Variants in PRKN observed in about 807,000 individuals in gnomAD.
PRKN encodes parkin RBR E3 ubiquitin protein ligase, also known as E3 ubiquitin-protein ligase parkin.
PRKN carries 56 observed loss-of-function variants against 59.5 expected under a neutral mutation model. The observed-to-expected ratio is 0.94, with a 90% CI of 0.76 to 1.18. PRKN has a LOEUF of 1.18. PRKN is among the 50% of genes most tolerant of loss of function. PRKN has a pLI of 0.00. For missense variants in PRKN, 657 were observed against 596.4 expected, an observed-to-expected ratio of 1.10 and a Z score of -1.06; for synonymous variants, 250 against 222.1, an observed-to-expected ratio of 1.13 and a Z score of -1.12.
chr6:161,622,323 C>T (rs1782935398), intron 7 of PRKN, among the ~76,000 whole-genome samples: 1 of 152,230 alleles, frequency 6.6e-6, no homozygotes, highest in South Asian at 2.1e-4. Flanking sequence ...GCACGCAGGT[C>T]TGCCCCGTAG....
At chr6:162,339,571 C>T (rs1784064744) in intron 2 of PRKN, among the ~76,000 whole-genome samples, 2 of 150,612 alleles carry the variant, frequency 1.3e-5, no homozygotes, top group African/African-American at 4.9e-5. Context: ...AGGGGCGCCT[C>T]TGCCCGGCCG....
intron 5 of PRKN, among the ~76,000 whole-genome samples, chr6:162,020,689 G>A (rs907153054): frequency 6.6e-6 from 1 of 152,090 alleles, no homozygotes; most frequent in Admixed American, 6.6e-5. Context: ...ATATGTAGTG[G>A]AATTCAGAAA....
chr6:161,474,073 C>T (rs765112398), intron 9 of PRKN, among the ~76,000 whole-genome samples: 1 of 152,144 alleles, frequency 6.6e-6, no homozygotes, highest in African/African-American at 2.4e-5. Flanking sequence ...AAAAAATGGG[C>T]GTGGAGCATG....
At chr6:162,422,453 T>A (rs1040374457) in intron 2 of PRKN, among the ~76,000 whole-genome samples, 2 of 152,170 alleles carry the variant, frequency 1.3e-5, no homozygotes, top group Non-Finnish European at 2.9e-5. Context: ...CTGACAGCCT[T>A]ACTTGGGTCT....
At chr6:162,326,554 G>A (rs1783288416) in intron 2 of PRKN, among the ~76,000 whole-genome samples, 1 of 152,096 alleles carries the variant, frequency 6.6e-6, no homozygotes, top group South Asian at 2.1e-4. Flanking sequence ...CAAGAGATTA[G>A]AAACATCTTA....
chr6:162,512,107 G>A (rs530712414), intron 1 of PRKN, among the ~76,000 whole-genome samples: 1 of 152,106 alleles, frequency 6.6e-6, no homozygotes, highest in Non-Finnish European at 1.5e-5. Flanking sequence ...ATTCTTAGAC[G>A]AATCTATCTA....
chr6:161,815,746 C>T (rs1791749866), intron 6 of PRKN, among the ~76,000 whole-genome samples: 1 of 152,206 alleles, frequency 6.6e-6, no homozygotes, highest in Admixed American at 6.5e-5. Flanking sequence ...AGCAGACTTG[C>T]GGAATTGAAC....
chr6:161,502,630 A>G lies in PRKN; in HGVS notation c.1083+46224T>C, dbSNP rs560542569. On this transcript the variant is annotated intron_variant, in intron 9 of 11. Transcript: ENST00000366898. This position sits in a 1 kb window ranked among gnomAD's most constrained non-coding sequence, Gnocchi z 4.0. ...GGAGGGGACCAGTAACAAGCAGGGA[A>G]GAGAGAAATGGGGGATTTGGGAGTA... Among the ~76,000 whole-genome samples the G allele has an allele frequency of 9.2e-5, 14 of 152,284 alleles. No homozygotes were observed. The highest frequency in any genetic ancestry group is 3.4e-4 in the African/African-American group (14 of 41,542).
At chr6:161,511,340 C>T (rs2115332365) in intron 9 of PRKN, among the ~76,000 whole-genome samples, 1 of 152,242 alleles carries the variant, frequency 6.6e-6, no homozygotes, top group Non-Finnish European at 1.5e-5. Context: ...ATGATTTAAA[C>T]TTTTGCAACA....
intron 7 of PRKN, among the ~76,000 whole-genome samples, chr6:161,661,028 G>A (rs918896296): frequency 2.6e-5 from 4 of 151,984 alleles, no homozygotes; most frequent in Non-Finnish European, 5.9e-5. Flanking sequence ...AGAGACTGGT[G>A]GCTTCTCACT....
rs1243554510 is a variant in PRKN at position 161,551,650 on chromosome 6, G to T, written c.934-2647C>A. On this transcript the variant is annotated intron_variant, in intron 8 of 11. Coordinates refer to ENST00000366898, the MANE Select transcript of PRKN (RefSeq NM_004562.3). The surrounding 1 kb of genome is among the most constrained non-coding windows in gnomAD (Gnocchi z 5.2). ...TGGAGCCAAAAGCCTTTGGAGTGGAGTCCAGAAAGACTCGGAGGAGAGAAA... is the reference window on the plus strand; with the variant it reads ...TGGAGCCAAAAGCCTTTGGAGTGGATTCCAGAAAGACTCGGAGGAGAGAAA... 6.6e-6 allele frequency among the ~76,000 whole-genome samples: 1 copy of T among 152,152 alleles called. No individual in the cohort carries two copies. Among genetic ancestry groups the T allele is most frequent in the Non-Finnish European group, 1.5e-5 (1 of 68,034 alleles).
intron 1 of PRKN, chr6:162,568,709 G>C (rs1041690621): frequency 2.5e-6 from 2 of 784,702 alleles, no homozygotes; most frequent in African/African-American, 3.4e-5. Flanking sequence ...AGATGGCTTG[G>C]AGCAACATGG....
chr6:162,117,122 A>G (rs1386328996), intron 4 of PRKN, among the ~76,000 whole-genome samples: 2 of 152,218 alleles, frequency 1.3e-5, no homozygotes, highest in African/African-American at 4.8e-5. Flanking sequence ...AAACCACTTT[A>G]AATCATAAAC....
intron 1 of PRKN, among the ~76,000 whole-genome samples, chr6:162,465,503 G>T (rs1791372604): frequency 6.6e-6 from 1 of 152,136 alleles, no homozygotes; most frequent in African/African-American, 2.4e-5. Context: ...TCAAAGAAAT[G>T]AAATTCTAAT....
At chr6:162,180,051 C>A (rs1783731193) in intron 4 of PRKN, among the ~76,000 whole-genome samples, 1 of 148,550 alleles carries the variant, frequency 6.7e-6, no homozygotes, top group Admixed American at 6.7e-5. Flanking sequence ...ATGCTGCATG[C>A]CACAGCTGGG....
chr6:161,494,510 T>C (rs1459210434), intron 9 of PRKN, among the ~76,000 whole-genome samples: 1 of 152,256 alleles, frequency 6.6e-6, no homozygotes, highest in Non-Finnish European at 1.5e-5. Context: ...TAATGATCAA[T>C]GATGCTTTTT....
chr6:162,291,410 T>TG (rs1156863233), intron 2 of PRKN, among the ~76,000 whole-genome samples: 12 of 81,344 alleles, frequency 1.5e-4, no homozygotes, highest in Admixed American at 6.0e-4. Context: ...ATGGGTGGGA[T>TG]GGGGGGGAAG....
intron 4 of PRKN, among the ~76,000 whole-genome samples, chr6:162,104,387 T>A (rs1275357678): frequency 1.3e-5 from 2 of 152,170 alleles, no homozygotes; most frequent in Non-Finnish European, 2.9e-5. Context: ...CTAATTAACA[T>A]ATTGTTTGGC....
chr6:162,213,762 T>G (rs1583208868), intron 3 of PRKN, among the ~76,000 whole-genome samples: 1 of 149,498 alleles, frequency 6.7e-6, no homozygotes, highest in African/African-American at 2.5e-5. Flanking sequence ...GTATATTTTG[T>G]AGAATTATTA....
Sources: gnomAD v4.1 joint callset for allele counts (sites outside exome capture counted in the v4.1 genomes callset) on GRCh38, gnomAD v4.1.1 for gene constraint, Gnocchi (gnomAD v3.1) non-coding constraint, MANE v1.5 for transcripts, NCBI Gene and HGNC (gene_info 2026-07-23, HGNC 2026-07-21) for gene names.